Variants in HPSE2 observed in about 807,000 individuals in gnomAD.
HPSE2 encodes the protein heparanase 2 (inactive).
A neutral mutation model predicts 60.5 loss-of-function variants in HPSE2; 38 were observed. The observed-to-expected ratio is 0.63, with a 90% CI of 0.48 to 0.82. HPSE2 has a LOEUF of 0.82. HPSE2 is among the 40% of genes least tolerant of loss of function. The probability of loss-of-function intolerance (pLI) is 0.00; values close to 1 mark genes in which losing one functional copy is unlikely to be tolerated. For synonymous variants in HPSE2, 295 were observed against 293.2 expected (o/e 1.01, Z -0.06); for missense variants, 713 against 740.4 (o/e 0.96, Z 0.43).
At chr10:99,213,917 G>A (rs1849032096) in intron 2 of HPSE2, among the ~76,000 whole-genome samples, 3 of 152,184 alleles carry the variant, frequency 2.0e-5, no homozygotes, top group African/African-American at 7.2e-5. Flanking sequence ...GAAGTAAAAA[G>A]AATCCACAGA....
intron 3 of HPSE2, among the ~76,000 whole-genome samples, chr10:98,770,604 T>A (rs985318981): frequency 1.3e-5 from 2 of 152,162 alleles, no homozygotes; most frequent in Non-Finnish European, 2.9e-5. Flanking sequence ...CCTGGCTGAA[T>A]CATTTTTGGA....
intron 3 of HPSE2, among the ~76,000 whole-genome samples, chr10:98,998,185 T>C (rs1309256243): frequency 6.6e-6 from 1 of 152,212 alleles, no homozygotes; most frequent in Non-Finnish European, 1.5e-5. Context: ...TGGATATATT[T>C]CATCACAGGC....
At chr10:98,573,629 C>T (rs1428758738) in intron 9 of HPSE2, among the ~76,000 whole-genome samples, 6 of 152,214 alleles carry the variant, frequency 3.9e-5, no homozygotes, top group South Asian at 4.1e-4. Flanking sequence ...CAGCACTGCT[C>T]AGCTCCTATC....
Position 98,936,552 on chromosome 10 carries a change from C to T in HPSE2, c.611-192496G>A, listed in dbSNP as rs142425867. On this transcript the variant is annotated intron_variant, in intron 3 of 11. Transcript: ENST00000370552. ...TGGAGAAGGGAGGTGCCCCCAACTC[C>T]GTGCACTTCCCAGGTGAAGTGACGC... Among the ~76,000 whole-genome samples, 6 of 143,656 alleles carry T rather than the reference C, an allele frequency of 4.2e-5. 1 individual carries two copies. The highest frequency in any genetic ancestry group is 1.1e-4 in the African/African-American group (4 of 35,322). 94.2% of individuals were successfully genotyped at this position (143,656 alleles called of 152,430 possible).
chr10:98,491,601 T>C (rs1941646865), intron 9 of HPSE2, among the ~76,000 whole-genome samples: 1 of 152,182 alleles, frequency 6.6e-6, no homozygotes, highest in South Asian at 2.1e-4. Context: ...ATAATAAAAG[T>C]AAAAAACTGT....
intron 2 of HPSE2, among the ~76,000 whole-genome samples, chr10:99,177,382 C>G (rs1051515749): frequency 1.3e-5 from 2 of 152,058 alleles, no homozygotes; most frequent in East Asian, 1.9e-4. Context: ...ACCCAGCTCA[C>G]GTGCAAAGAC....
the HPSE2 span, among the ~76,000 whole-genome samples, chr10:99,303,882 G>GT: frequency 6.6e-6 from 1 of 152,090 alleles, no homozygotes; most frequent in Non-Finnish European, 1.5e-5. Context: ...TAAAGTTAAT[G>GT]TATTCTAGAT....
At chr10:98,760,178 A>T (rs553943754) in intron 3 of HPSE2, among the ~76,000 whole-genome samples, 1 of 152,144 alleles carries the variant, frequency 6.6e-6, no homozygotes, top group East Asian at 1.9e-4. Context: ...ACAATTTTTT[A>T]GTGAAGTATT....
intron 9 of HPSE2, among the ~76,000 whole-genome samples, chr10:98,524,404 G>A (rs1210649092): frequency 6.6e-6 from 1 of 152,076 alleles, no homozygotes; most frequent in Non-Finnish European, 1.5e-5. Flanking sequence ...GGAGTGGTGG[G>A]GCTGACTGTC....
chr10:98,955,549 G>A (rs1292960843), intron 3 of HPSE2, among the ~76,000 whole-genome samples: 1 of 152,044 alleles, frequency 6.6e-6, no homozygotes. Context: ...AGACAGTGGC[G>A]ATTCTTCAAA....
At chr10:99,147,837 A>G (rs1282242489) in intron 2 of HPSE2, among the ~76,000 whole-genome samples, 1 of 152,236 alleles carries the variant, frequency 6.6e-6, no homozygotes, top group Non-Finnish European at 1.5e-5. Flanking sequence ...AGTTAGTATC[A>G]TGTATGACAC....
At chr10:98,712,189 T>C (rs1007513167) in intron 5 of HPSE2, among the ~76,000 whole-genome samples, 2 of 152,044 alleles carry the variant, frequency 1.3e-5, no homozygotes, top group African/African-American at 4.8e-5. Flanking sequence ...ATCTCCAATG[T>C]TCGACAGACT....
intron 7 of HPSE2, among the ~76,000 whole-genome samples, chr10:98,638,506 G>A (rs187606531): frequency 1.3e-5 from 2 of 152,256 alleles, no homozygotes; most frequent in African/African-American, 4.8e-5. Context: ...ATGGTTTGAG[G>A]AACTTGCAAG....
intron 2 of HPSE2, among the ~76,000 whole-genome samples, chr10:99,155,517 G>A (rs367836226): frequency 0.47 from 64,992 of 136,942 alleles, 17,493 homozygotes; most frequent in East Asian, 0.62. Flanking sequence ...GGTACATAAC[G>A]AAATGAAGGC....
rs140066668 is a variant in HPSE2 at position 98,459,735 on chromosome 10, C to G, written c.1618G>C (p.Val540Leu). The G allele has an allele frequency of 3.7e-3, 5,987 of 1,613,166 alleles. 18 individuals are homozygous for G. The highest frequency in any genetic ancestry group is 4.2e-3 in the Non-Finnish European group (4,933 of 1,179,600). The change falls in exon 12 of 12, where the codon GTG becomes CTG. Residue 540 changes from valine to leucine, a missense_variant. Physicochemically the swap from Val to Leu is conservative, Grantham distance 32 (BLOSUM62 1). Transcript: ENST00000370552. Reference protein sequence around the residue: ...YGQEGLKSKSVQLNGQPLVMV... With the variant: ...YGQEGLKSKSLQLNGQPLVMV... ...ACTAAGGGCTGGCCATTCAGTTGCA[C>G]TGACCTACAGTGAGGAAAAACAGTA...
rs1199356818 is a variant in HPSE2 at position 98,940,762 on chromosome 10, T to C, written c.611-196706A>G. Among the ~76,000 whole-genome samples, 1,210 of 142,362 alleles carry C rather than the reference T, an allele frequency of 8.5e-3. 176 individuals carry two copies. Among genetic ancestry groups the C allele is most frequent in the African/African-American group, 0.034 (1,155 of 34,298 alleles). The allele number at this position is 142,362 out of a possible 152,430, so 93.4% of individuals were successfully genotyped here. A position where few individuals can be genotyped will look rare whatever the true frequency, so the allele number is the denominator to read the frequency against. On this transcript the variant is annotated intron_variant, in intron 3 of 11. Transcript: ENST00000370552. ...GCCAGCATCATCCTGATACCAAAGCTGGGCAGAGACACAACCAAAAAAGAG... is the reference window on the plus strand; with the variant it reads ...GCCAGCATCATCCTGATACCAAAGCCGGGCAGAGACACAACCAAAAAAGAG...
chr10:98,765,619 C>T (rs1950102116), intron 3 of HPSE2, among the ~76,000 whole-genome samples: 1 of 151,956 alleles, frequency 6.6e-6, no homozygotes, highest in Admixed American at 6.6e-5. Context: ...ACGGGTGGAT[C>T]ATGAGGTCAG....
At chr10:98,671,315 GC>G (rs1426258044) in intron 6 of HPSE2, among the ~76,000 whole-genome samples, 2 of 152,218 alleles carry the variant, frequency 1.3e-5, no homozygotes, top group Non-Finnish European at 2.9e-5. Context: ...GAGTTAGAGA[GC>G]CAAGTCAAAT....
rs1384872568 is a variant in HPSE2, at chr10:98,929,017, A to AATAC, written c.611-184962_611-184961insGTAT. Among the ~76,000 whole-genome samples the AATAC allele has an allele frequency of 1.5e-5, 2 of 136,776 alleles. 1 individual carries two copies. The highest frequency in any genetic ancestry group is 6.2e-5 in the African/African-American group (2 of 32,118). 89.7% of individuals were successfully genotyped at this position (136,776 alleles called of 152,430 possible). On this transcript the variant is annotated intron_variant, in intron 3 of 11. Coordinates refer to ENST00000370552, the MANE Select transcript of HPSE2 (RefSeq NM_021828.5). ...AAATAAATAAATAAATAAATAAATA[A>AATAC]ATATTTTTTAGTCTCAAAAATAAAA...
Sources: allele counts gnomAD v4.1 joint callset (sites outside exome capture counted in the v4.1 genomes callset), GRCh38; gene constraint gnomAD v4.1.1; transcripts MANE v1.5; gene names NCBI Gene and HGNC (gene_info 2026-07-23, HGNC 2026-07-21).